Variants in INTS6 observed in about 807,000 individuals in gnomAD.
The protein encoded by INTS6 is integrator complex subunit 6.
In INTS6, 16 loss-of-function variants were observed where a neutral mutation model predicts 104.9. That is an observed-to-expected ratio of 0.15 (90% CI 0.10 to 0.23). The LOEUF (loss-of-function observed/expected upper bound fraction) is 0.23. INTS6 is among the 10% of genes least tolerant of loss of function. INTS6 has a pLI of 1.00. For missense variants in INTS6, 584 were observed against 1,062.8 expected (o/e 0.55, Z 6.26); for synonymous variants, 324 against 358.7 (o/e 0.90, Z 1.09).
chr13:51,382,757 A>G (rs963095193), intron 9 of INTS6, among the ~76,000 whole-genome samples: 3 of 152,222 alleles, frequency 2.0e-5, no homozygotes, highest in African/African-American at 7.2e-5. Context: ...CAGAAAAGTT[A>G]GAATATTTAA....
intron 3 of INTS6, among the ~76,000 whole-genome samples, chr13:51,430,806 A>G (rs1227614609): frequency 2.6e-5 from 4 of 152,222 alleles, no homozygotes; most frequent in African/African-American, 9.6e-5. Context: ...GTAGGTGAAC[A>G]TTACCACAAG....
At position 51,379,573 on chromosome 13, in the gene INTS6, C is replaced by A; in HGVS notation, c.1276-1G>T. 6.5e-7 allele frequency: 1 copy of A among 1,536,878 alleles called. No individual in the cohort carries two copies. The highest frequency in any genetic ancestry group is 8.9e-7 in the Non-Finnish European group (1 of 1,128,050). Reference sequence around the variant, plus strand: ...TCATCCTAACAGCTTTCTTCAAGGGCTATAGGAAAAAAGAAAACATCATTC... The same window carrying A: ...TCATCCTAACAGCTTTCTTCAAGGGATATAGGAAAAAAGAAAACATCATTC... On this transcript the variant is annotated splice_acceptor_variant, in intron 10 of 17. Transcript: ENST00000311234. LOFTEE classifies it high-confidence loss of function.
intron 3 of INTS6, chr13:51,441,685 G>C (rs1952799785): frequency 6.6e-6 from 1 of 152,070 alleles, no homozygotes; most frequent in African/African-American, 2.4e-5. Context: ...CTACACATCA[G>C]AAACTTAAAG....
At chr13:51,441,266 C>T (rs931628223) in intron 3 of INTS6, 5 of 152,024 alleles carry the variant, frequency 3.3e-5, no homozygotes, top group African/African-American at 1.2e-4. Flanking sequence ...ACCTCTAGTA[C>T]CCCATAATTT....
At position 51,364,426 on chromosome 13, in the gene INTS6, T is replaced by C. The variant is rs1489473249; in HGVS notation, c.*1326A>G. 1 of 483,866 alleles carries C rather than the reference T, an allele frequency of 2.1e-6. No homozygotes were observed. Among genetic ancestry groups the C allele is most frequent in the African/African-American group, 2.0e-5 (1 of 49,858 alleles). The allele number at this position is 483,866 out of a possible 1,614,324, so 30.0% of individuals were successfully genotyped here. A position where few individuals can be genotyped will look rare whatever the true frequency, so the allele number is the denominator to read the frequency against. ...TTCAATATTATAAACCTAAAAATAC[T>C]TCAGTTTTTAAATGTTATAAGTTTA... On this transcript the variant is annotated 3_prime_UTR_variant, in exon 18 of 18. Coordinates refer to ENST00000311234, the MANE Select transcript of INTS6 (RefSeq NM_012141.3).
intron 4 of INTS6, among the ~76,000 whole-genome samples, chr13:51,426,928 T>C (rs1956994983): frequency 6.6e-6 from 1 of 152,138 alleles, no homozygotes; most frequent in Non-Finnish European, 1.5e-5. Flanking sequence ...ATCTAGATTT[T>C]GGCAGTAACA....
At chr13:51,423,603 G>A (rs1258112133) in intron 4 of INTS6, among the ~76,000 whole-genome samples, 5 of 151,996 alleles carry the variant, frequency 3.3e-5, no homozygotes, top group African/African-American at 1.2e-4. Context: ...GTTAATTTTT[G>A]GGGGCTATTC....
intron 3 of INTS6, among the ~76,000 whole-genome samples, chr13:51,431,206 AC>A (rs1423663725): frequency 6.6e-6 from 1 of 152,202 alleles, no homozygotes; most frequent in East Asian, 1.9e-4. Context: ...CATTTGAAGG[AC>A]TGACAGAACT....
chr13:51,366,922 A>G (rs561383845), intron 17 of INTS6, among the ~76,000 whole-genome samples: 2 of 152,166 alleles, frequency 1.3e-5, no homozygotes, highest in South Asian at 2.1e-4. Context: ...TTGAAGGGAA[A>G]ATAAAAAATG....
intron 6 of INTS6, among the ~76,000 whole-genome samples, chr13:51,387,749 A>T (rs986582330): frequency 6.6e-6 from 1 of 152,182 alleles, no homozygotes; most frequent in South Asian, 2.1e-4. Flanking sequence ...ACAAATTCCA[A>T]CTATGAGTTC....
At chr13:51,358,146 C>T (rs1012062049), downstream of INTS6, among the ~76,000 whole-genome samples, 4 of 152,018 alleles carry the variant, frequency 2.6e-5, no homozygotes, top group African/African-American at 7.2e-5. Context: ...TCTCCTGGGC[C>T]GGGTGCTATG....
At chr13:51,422,520 C>T (rs1189994369) in intron 4 of INTS6, among the ~76,000 whole-genome samples, 2 of 152,126 alleles carry the variant, frequency 1.3e-5, no homozygotes, top group South Asian at 2.1e-4. Flanking sequence ...GCTTACCTAC[C>T]GAACCTCTCA....
At chr13:51,425,272 TAC>T (rs1956964793) in intron 4 of INTS6, among the ~76,000 whole-genome samples, 1 of 152,096 alleles carries the variant, frequency 6.6e-6, no homozygotes, top group Non-Finnish European at 1.5e-5. Context: ...GCCATTTGAA[TAC>T]ACAGCTGAGA....
intron 3 of INTS6, chr13:51,440,713 T>C (rs1472553319): frequency 6.6e-6 from 1 of 152,220 alleles, no homozygotes; most frequent in Non-Finnish European, 1.5e-5. Flanking sequence ...TACAGTTACA[T>C]GCTATACAGG....
At chr13:51,377,702 A>G (rs1041310172) in intron 12 of INTS6, among the ~76,000 whole-genome samples, 2 of 152,128 alleles carry the variant, frequency 1.3e-5, no homozygotes, top group African/African-American at 4.8e-5. Flanking sequence ...ACCACACTGC[A>G]TGGATCACTG....
chr13:51,384,479 A>G, intron 7 of INTS6: 1 of 355,556 alleles, frequency 2.8e-6, no homozygotes, highest in Admixed American at 3.7e-5. Context: ...GGCCTCAGTT[A>G]CTGCTTATAC....
At chr13:51,376,025 C>T (rs1452743013) in intron 13 of INTS6, 23 bp downstream of exon 13, 4 of 1,561,060 alleles carry the variant, frequency 2.6e-6, no homozygotes, top group Admixed American at 2.0e-5. Flanking sequence ...TTAAAAATAC[C>T]AGTATTGAAA....
At chr13:51,400,651 GA>G (rs1282412290) in intron 4 of INTS6, among the ~76,000 whole-genome samples, 16 of 151,892 alleles carry the variant, frequency 1.1e-4, no homozygotes, top group African/African-American at 2.4e-5. Context: ...TACATGGAAG[GA>G]AAAAAAGGCA....
At chr13:51,341,323 G>T in the INTS6 span, 1 of 1,606,130 alleles carries the variant, frequency 6.2e-7, no homozygotes, top group Non-Finnish European at 8.5e-7. Flanking sequence ...GCAGCTGGCA[G>T]ATGCCCTGGG....
Sources: gnomAD v4.1 joint callset for allele counts (sites outside exome capture counted in the v4.1 genomes callset) on GRCh38, gnomAD v4.1.1 for gene constraint, MANE v1.5 for transcripts, NCBI Gene and HGNC (gene_info 2026-07-23, HGNC 2026-07-21) for gene names.